ERI3: variants seen among roughly 807,000 people sequenced by gnomAD.
ERI3 encodes ERI1 exoribonuclease 3.
In ERI3, 18 loss-of-function variants were observed where a neutral mutation model predicts 44.4. The observed-to-expected ratio is 0.41, with a 90% CI of 0.28 to 0.60. ERI3 has a LOEUF of 0.60. Among genes scored for constraint, ERI3 ranks in the 20% least tolerant of loss-of-function variants. The probability of loss-of-function intolerance (pLI) is 0.36; values close to 1 mark genes in which losing one functional copy is unlikely to be tolerated. For synonymous variants in ERI3, 183 were observed against 164.8 expected (o/e 1.11, Z -0.84); for missense variants, 294 against 435.5 (o/e 0.68, Z 2.89).
intron 8 of ERI3, among the ~76,000 whole-genome samples, chr1:44,247,572 A>C (rs906935840): frequency 1.3e-5 from 2 of 152,302 alleles, no homozygotes; most frequent in African/African-American, 2.4e-5. Flanking sequence ...GACTTCAAAC[A>C]ATATTAAACA....
intron 6 of ERI3, among the ~76,000 whole-genome samples, chr1:44,292,616 G>A: frequency 6.6e-6 from 1 of 152,222 alleles, no homozygotes; most frequent in Non-Finnish European, 1.5e-5. Flanking sequence ...AGACTCAGCT[G>A]CAATTCCCCA....
chr1:44,265,230 G>T (rs1041546013), intron 7 of ERI3, among the ~76,000 whole-genome samples: 1 of 152,228 alleles, frequency 6.6e-6, no homozygotes, highest in Non-Finnish European at 1.5e-5. Context: ...AAGTTTCTCA[G>T]ATCACCTGTT....
At chr1:44,266,896 C>T (rs1263245087) in intron 7 of ERI3, among the ~76,000 whole-genome samples, 2 of 152,206 alleles carry the variant, frequency 1.3e-5, no homozygotes, top group African/African-American at 4.8e-5. Context: ...AATTCCCTTC[C>T]CTCTCATAGT....
chr1:44,352,801 T>C (rs778018171), intron 2 of ERI3, 49 bp downstream of exon 2: 3 of 1,607,968 alleles, frequency 1.9e-6, no homozygotes, highest in Non-Finnish European at 2.6e-6. Flanking sequence ...CAAGCCCAAA[T>C]ACTCAGAAGA....
intron 7 of ERI3, among the ~76,000 whole-genome samples, chr1:44,275,445 C>T (rs965203352): frequency 1.6e-4 from 24 of 152,226 alleles, no homozygotes; most frequent in African/African-American, 5.8e-4. Flanking sequence ...TTTATTCCTC[C>T]ATAAGCCCTT....
chr1:44,322,945 AG>A lies in ERI3; in HGVS notation c.490-3202del. On this transcript the variant is annotated intron_variant, in intron 3 of 8. Coordinates refer to ENST00000372257, the MANE Select transcript of ERI3 (RefSeq NM_024066.3). Reference sequence around the variant, plus strand: ...GTTAGTGGCATTAATCCCAACACAAAGATTTGTGACAATGTGCCCAAGTGCC... The same window carrying A: ...GTTAGTGGCATTAATCCCAACACAAAATTTGTGACAATGTGCCCAAGTGCC... 12 of 1,429,152 alleles carry A rather than the reference AG, an allele frequency of 8.4e-6. 1 individual carries two copies. In the South Asian group the frequency reaches 1.7e-4, roughly 20 times the overall value. The allele number at this position is 1,429,152 out of a possible 1,614,324, so 88.5% of individuals were successfully genotyped here.
intron 8 of ERI3, among the ~76,000 whole-genome samples, chr1:44,240,427 G>A (rs955123304): frequency 6.6e-6 from 1 of 152,160 alleles, no homozygotes; most frequent in African/African-American, 2.4e-5. Flanking sequence ...GGATCCAGGC[G>A]TGGTGACATG....
intron 5 of ERI3, among the ~76,000 whole-genome samples, chr1:44,310,960 C>CGCGCGT (rs1645951965): frequency 3.7e-5 from 3 of 81,788 alleles, no homozygotes; most frequent in Non-Finnish European, 2.4e-5. Flanking sequence ...ATCGCGCGCG[C>CGCGCGT]GCGCACACAC....
chr1:44,250,514 C>A (rs917656740), intron 7 of ERI3, among the ~76,000 whole-genome samples: 1 of 152,216 alleles, frequency 6.6e-6, no homozygotes, highest in Admixed American at 6.5e-5. Flanking sequence ...AAAGCTGGGC[C>A]CTTGGCAGGA....
chr1:44,326,909 A>G (rs565165232), intron 3 of ERI3, among the ~76,000 whole-genome samples: 5 of 152,122 alleles, frequency 3.3e-5, no homozygotes, highest in Non-Finnish European at 7.4e-5. Context: ...TGAAATCTGA[A>G]TTTTTCAAAA....
At chr1:44,313,284 G>A in intron 4 of ERI3, 56 bp from the exon 5 acceptor site, 1 of 1,512,774 alleles carries the variant, frequency 6.6e-7, no homozygotes, top group Non-Finnish European at 9.2e-7. Flanking sequence ...GGGACTCAAG[G>A]CTGAACAGGA....
intron 8 of ERI3, among the ~76,000 whole-genome samples, chr1:44,229,655 C>G (rs576803244): frequency 6.6e-6 from 1 of 152,218 alleles, no homozygotes; most frequent in African/African-American, 2.4e-5. Flanking sequence ...AGCCCCGGCA[C>G]TCCCTCCCTT....
rs1330053949 is a variant in ERI3, at chr1:44,253,784, A to C, written c.832-5746T>G. On this transcript the variant is annotated intron_variant, in intron 7 of 8. Coordinates refer to ENST00000372257, the MANE Select transcript of ERI3 (RefSeq NM_024066.3). ...ACCCATGCAGAGAGAACACAGATAG[A>C]AGCCATGAGACTCGGTGAAGAAAGA... Among the ~76,000 whole-genome samples, 3 of 152,158 alleles carry C rather than the reference A, an allele frequency of 2.0e-5. No individual in the cohort carries two copies. In the East Asian group the frequency reaches 5.8e-4, roughly 29 times the overall value.
At chr1:44,253,664 C>A (rs917034324) in intron 7 of ERI3, among the ~76,000 whole-genome samples, 1 of 152,228 alleles carries the variant, frequency 6.6e-6, no homozygotes, top group Non-Finnish European at 1.5e-5. Context: ...GCAGCTTCCA[C>A]CTCAATCACT....
intron 3 of ERI3, among the ~76,000 whole-genome samples, chr1:44,324,054 C>T: frequency 6.6e-6 from 1 of 152,166 alleles, no homozygotes; most frequent in East Asian, 1.9e-4. Context: ...ACCATGGCTG[C>T]AGTAACACAG....
At chr1:44,264,299 C>A (rs1644947905) in intron 7 of ERI3, among the ~76,000 whole-genome samples, 1 of 152,124 alleles carries the variant, frequency 6.6e-6, no homozygotes, top group Non-Finnish European at 1.5e-5. Flanking sequence ...TCCTGCTTAG[C>A]CCTGAGAGAA....
intron 8 of ERI3, among the ~76,000 whole-genome samples, chr1:44,222,607 G>A (rs528791132): frequency 1.1e-4 from 17 of 152,296 alleles, no homozygotes; most frequent in African/African-American, 4.1e-4. Flanking sequence ...ACCACCAGCA[G>A]CAGGAGGTGC....
intron 8 of ERI3, among the ~76,000 whole-genome samples, chr1:44,224,864 A>T (rs796156563): frequency 9.3e-4 from 141 of 152,252 alleles, no homozygotes; most frequent in African/African-American, 3.3e-3. Context: ...TTCACCTAAC[A>T]AGTCAGTGGA....
At chr1:44,245,843 T>TCCCTAGCCCCCAGCCAGTTCTTC (rs1553183265) in intron 8 of ERI3, among the ~76,000 whole-genome samples, 1 of 152,150 alleles carries the variant, frequency 6.6e-6, no homozygotes, top group Non-Finnish European at 1.5e-5. Flanking sequence ...ACCCAGGCTG[T>TCCCTAGCCCCCAGCCAGTTCTTC]CCCTAGCCCC....
Sources: gnomAD v4.1 joint callset for allele counts (sites outside exome capture counted in the v4.1 genomes callset) on GRCh38, gnomAD v4.1.1 for gene constraint, MANE v1.5 for transcripts, NCBI Gene and HGNC (gene_info 2026-07-23, HGNC 2026-07-21) for gene names.